MGAT3: variants seen among roughly 807,000 people sequenced by gnomAD.
The protein encoded by MGAT3 is GlcNAc-T III.
Under a neutral mutation model 29.8 loss-of-function variants are expected in MGAT3, and 9 were observed. The observed-to-expected ratio is 0.30, with a 90% CI of 0.18 to 0.53. MGAT3 has a LOEUF of 0.53. Ranked by LOEUF, MGAT3 falls within the 20% of genes least tolerant of loss-of-function variation. The pLI, the probability that MGAT3 is intolerant of heterozygous loss-of-function variation, is 0.96. For missense variants in MGAT3, 557 were observed against 769.5 expected (o/e 0.72, Z 3.27); for synonymous variants, 397 against 348.9 (o/e 1.14, Z -1.54).
chr22:39,463,789 G>A (rs1435782625), intron 1 of MGAT3, among the ~76,000 whole-genome samples: 1 of 151,828 alleles, frequency 6.6e-6, no homozygotes, highest in Non-Finnish European at 1.5e-5. Context: ...GGTGGCAAAC[G>A]CCTATAGCCT....
intron 1 of MGAT3, among the ~76,000 whole-genome samples, chr22:39,468,366 G>A (rs1231233249): frequency 6.6e-6 from 1 of 152,230 alleles, no homozygotes; most frequent in African/African-American, 2.4e-5. Context: ...ACCAGGGCAT[G>A]AGGCAGTGAA....
chr22:39,460,568 T>G (rs1427917240), intron 1 of MGAT3, among the ~76,000 whole-genome samples: 2 of 152,020 alleles, frequency 1.3e-5, no homozygotes, highest in African/African-American at 4.8e-5. Context: ...GAGGCCGAGG[T>G]GGGTGGATCA....
chr22:39,489,139 C>T lies in MGAT3; in HGVS notation c.*190C>T. ...TCAGGCCTTTGAGCTCAGAAAATAT[C>T]CCTCCTGTTGGGAGAGGGCGCAGGC... On this transcript the variant is annotated 3_prime_UTR_variant, in exon 2 of 2. Coordinates refer to ENST00000341184, the MANE Select transcript of MGAT3 (RefSeq NM_002409.5). 2.5e-6 allele frequency: 2 copies of T among 815,924 alleles called. No homozygotes were observed. The highest frequency in any genetic ancestry group is 3.7e-5 in the South Asian group (2 of 53,798). 50.5% of individuals were successfully genotyped at this position (815,924 alleles called of 1,614,324 possible). A position where few individuals can be genotyped will look rare whatever the true frequency, so the allele number is the denominator to read the frequency against.
At chr22:39,459,328 C>A (rs1319503248) in intron 1 of MGAT3, among the ~76,000 whole-genome samples, 1 of 152,010 alleles carries the variant, frequency 6.6e-6, no homozygotes, top group Non-Finnish European at 1.5e-5. Flanking sequence ...CCCACCTTGG[C>A]CTCCTAAAGT....
intron 1 of MGAT3, among the ~76,000 whole-genome samples, chr22:39,475,283 C>T (rs888708887): frequency 2.0e-5 from 3 of 152,076 alleles, no homozygotes; most frequent in Non-Finnish European, 2.9e-5. Context: ...CCCCTTCACT[C>T]CACCTCTCTC....
intron 1 of MGAT3, among the ~76,000 whole-genome samples, chr22:39,468,965 T>C (rs1928731257): frequency 6.6e-6 from 1 of 151,928 alleles, no homozygotes; most frequent in Non-Finnish European, 1.5e-5. Context: ...GGTTCCAAGC[T>C]GGGAGGGGCA....
chr22:39,479,418 G>A (rs1221936736), intron 1 of MGAT3, among the ~76,000 whole-genome samples: 1 of 152,138 alleles, frequency 6.6e-6, no homozygotes, highest in Non-Finnish European at 1.5e-5. Flanking sequence ...CGGGGTGGGG[G>A]TGGAGCCTCA....
intron 1 of MGAT3, among the ~76,000 whole-genome samples, chr22:39,462,208 C>T (rs996418392): frequency 6.6e-6 from 1 of 152,128 alleles, no homozygotes; most frequent in African/African-American, 2.4e-5. Context: ...CTGCACTGAC[C>T]CACTCTTTAC....
In MGAT3 at chr22:39,487,711, A is replaced by C; in HGVS notation, c.364A>C (p.Thr122Pro). The C allele has an allele frequency of 6.3e-7, 1 of 1,579,302 alleles. No homozygotes were observed. The highest frequency in any genetic ancestry group is 8.6e-7 in the Non-Finnish European group (1 of 1,163,834). ...KAGGVCFKPG[T>P]KMLERPPPGR... ...CGGCGGCGTCTGCTTCAAACCCGGC[A>C]CCAAGATGCTGGAGAGGCCGCCCCC... Residue 122 changes from threonine to proline, a missense_variant, in exon 2 of 2, where the codon ACC (threonine) becomes CCC (proline). By Grantham distance (38) the Thr-to-Pro change is conservative (BLOSUM62 -1). Transcript: ENST00000341184. This position sits in a 1 kb window ranked among gnomAD's most constrained non-coding sequence, Gnocchi z 5.7.
chr22:39,466,603 C>T (rs1838131358), intron 1 of MGAT3, among the ~76,000 whole-genome samples: 1 of 152,344 alleles, frequency 6.6e-6, no homozygotes, highest in African/African-American at 2.4e-5. Context: ...AGAGCCTGCC[C>T]CTTCCAGCCC....
intron 1 of MGAT3, among the ~76,000 whole-genome samples, chr22:39,469,535 G>A (rs1928749016): frequency 6.6e-6 from 1 of 152,192 alleles, no homozygotes; most frequent in South Asian, 2.1e-4. Flanking sequence ...CGGGGGAACA[G>A]CATCCGCTCC....
At chr22:39,486,549 G>A (rs2145727061) in intron 1 of MGAT3, among the ~76,000 whole-genome samples, 1 of 152,306 alleles carries the variant, frequency 6.6e-6, no homozygotes, top group South Asian at 2.1e-4. Context: ...TGTCCAGGCT[G>A]GGGCGCAGTG....
At chr22:39,478,895 G>A (rs1929044924) in intron 1 of MGAT3, among the ~76,000 whole-genome samples, 1 of 152,244 alleles carries the variant, frequency 6.6e-6, no homozygotes, top group Admixed American at 6.5e-5. Flanking sequence ...TGGGAAGAGG[G>A]AGGGAAAGAA....
intron 1 of MGAT3, among the ~76,000 whole-genome samples, chr22:39,473,472 C>T (rs1269457324): frequency 3.9e-5 from 6 of 152,340 alleles, no homozygotes; most frequent in East Asian, 1.9e-4. Context: ...GCATAAATTC[C>T]TCCATGAGGG....
At chr22:39,479,153 G>A (rs745634701) in intron 1 of MGAT3, among the ~76,000 whole-genome samples, 1 of 152,208 alleles carries the variant, frequency 6.6e-6, no homozygotes, top group Non-Finnish European at 1.5e-5. Flanking sequence ...GCTTGGCAAT[G>A]TAGGGAGACC....
At position 39,487,746 on chromosome 22, in the gene MGAT3, G is replaced by T. The variant is rs1215567427; in HGVS notation, c.399G>T (p.Pro133=). ...KMLERPPPGR[P]EEKPEGANGS... Reference sequence around the variant, plus strand: ...TGGAGAGGCCGCCCCCGGGACGGCCGGAGGAGAAGCCTGAGGGGGCCAACG... The same window carrying T: ...TGGAGAGGCCGCCCCCGGGACGGCCTGAGGAGAAGCCTGAGGGGGCCAACG... The change falls in exon 2 of 2, where the codon CCG becomes CCT. Residue 133 remains proline (P), a synonymous_variant. Transcript: ENST00000341184. The surrounding 1 kb of genome is among the most constrained non-coding windows in gnomAD (Gnocchi z 5.7). The T allele has an allele frequency of 6.5e-7, 1 of 1,534,632 alleles. No homozygotes were observed. Among genetic ancestry groups the T allele is most frequent in the Admixed American group, 2.2e-5 (1 of 45,404 alleles).
chr22:39,457,988 A>T lies in MGAT3; in HGVS notation c.-2+431A>T, dbSNP rs1928387048. On this transcript the variant is annotated intron_variant, in intron 1 of 1. Coordinates refer to ENST00000341184, the MANE Select transcript of MGAT3 (RefSeq NM_002409.5). The surrounding 1 kb of genome is among the most constrained non-coding windows in gnomAD (Gnocchi z 6.8). ...TCCGCGCCCGCCTTCCCCACCCCCG[A>T]CCCCAGACTGCGGCGGCGGCAGCCG... 6.6e-6 allele frequency among the ~76,000 whole-genome samples: 1 copy of T among 151,574 alleles called. No homozygotes were observed.
intron 1 of MGAT3, among the ~76,000 whole-genome samples, chr22:39,476,174 A>C (rs537609123): frequency 2.3e-4 from 35 of 150,368 alleles, no homozygotes; most frequent in African/African-American, 8.1e-4. Context: ...AGAGTGGTGC[A>C]CAGGGACTGG....
rs1928355287 is a variant in MGAT3 at position 39,457,252 on chromosome 22, G to GCCCGCCGCGGTCCCTCCCCCGCGCC, written c.-305_-281dup. 6.9e-6 allele frequency: 1 copy of GCCCGCCGCGGTCCCTCCCCCGCGCC among 144,054 alleles called. No individual in the cohort carries two copies. Among genetic ancestry groups the GCCCGCCGCGGTCCCTCCCCCGCGCC allele is most frequent in the African/African-American group, 2.5e-5 (1 of 40,138 alleles). 8.9% of individuals were successfully genotyped at this position (144,054 alleles called of 1,614,324 possible). ...GGCCTCGCCTCCGCGCCCCCCGCGCGCCCGCCGCGGTCCCTCCCCCGCGCC... is the reference window on the plus strand; with the variant it reads ...GGCCTCGCCTCCGCGCCCCCCGCGCGCCCGCCGCGGTCCCTCCCCCGCGCCCCCGCCGCGGTCCCTCCCCCGCGCC... On this transcript the variant is annotated 5_prime_UTR_variant, in exon 1 of 2. Transcript: ENST00000341184. This position sits in a 1 kb window ranked among gnomAD's most constrained non-coding sequence, Gnocchi z 6.8.
Sources: gnomAD v4.1 joint callset for allele counts (sites outside exome capture counted in the v4.1 genomes callset) on GRCh38, gnomAD v4.1.1 for gene constraint, Gnocchi (gnomAD v3.1) non-coding constraint, MANE v1.5 for transcripts, NCBI Gene and HGNC (gene_info 2026-07-23, HGNC 2026-07-21) for gene names.